TMEM181: variants seen among roughly 807,000 people sequenced by gnomAD.
TMEM181 encodes transmembrane protein 181.
In TMEM181, 39 loss-of-function variants were observed where a neutral mutation model predicts 71.9. The observed-to-expected ratio is 0.54, with a 90% CI of 0.42 to 0.71. TMEM181 has a LOEUF of 0.71. Among genes scored for constraint, TMEM181 ranks in the 30% least tolerant of loss-of-function variants. The pLI, the probability that TMEM181 is intolerant of heterozygous loss-of-function variation, is 0.00. For synonymous variants in TMEM181, 245 were observed against 228.8 expected, an observed-to-expected ratio of 1.07 and a Z score of -0.64; for missense variants, 595 against 583.0, an observed-to-expected ratio of 1.02 and a Z score of -0.21.
intron 1 of TMEM181, among the ~76,000 whole-genome samples, chr6:158,571,791 A>C (rs1054626546): frequency 3.5e-4 from 53 of 152,340 alleles, no homozygotes; most frequent in East Asian, 9.7e-4. Flanking sequence ...TGTGCAGTGC[A>C]GGTGCAGAGG....
At chr6:158,562,426 A>G (rs1782236152) in intron 1 of TMEM181, among the ~76,000 whole-genome samples, 2 of 148,798 alleles carry the variant, frequency 1.3e-5, no homozygotes, top group African/African-American at 2.5e-5. Context: ...ATTTCTCTGC[A>G]AATTTAAATA....
At chr6:158,570,441 C>A in intron 1 of TMEM181, among the ~76,000 whole-genome samples, 1 of 151,718 alleles carries the variant, frequency 6.6e-6, no homozygotes, top group Non-Finnish European at 1.5e-5. Context: ...CAGGGTTTCA[C>A]CGTGTCAGCC....
intron 10 of TMEM181, among the ~76,000 whole-genome samples, chr6:158,622,927 C>T (rs1243743245): frequency 6.6e-6 from 1 of 152,196 alleles, no homozygotes; most frequent in Admixed American, 6.5e-5. Flanking sequence ...CACGCTTGCT[C>T]TTTATGAGTG....
chr6:158,584,808 A>G (rs1241096273), intron 4 of TMEM181, among the ~76,000 whole-genome samples: 2 of 152,222 alleles, frequency 1.3e-5, no homozygotes, highest in African/African-American at 4.8e-5. Flanking sequence ...ATTTGTCTAG[A>G]AAATGGTCTG....
Position 158,632,502 on chromosome 6 carries a change from A to T in TMEM181, c.*614A>T, listed in dbSNP as rs546011254. The T allele has an allele frequency of 6.5e-6, 1 of 153,008 alleles. No individual in the cohort carries two copies. Among genetic ancestry groups the T allele is most frequent in the South Asian group, 2.1e-4 (1 of 4,854 alleles). The allele number at this position is 153,008 out of a possible 1,614,324, so 9.5% of individuals were successfully genotyped here. A position where few individuals can be genotyped will look rare whatever the true frequency, so the allele number is the denominator to read the frequency against. On this transcript the variant is annotated 3_prime_UTR_variant, in exon 17 of 17. Coordinates refer to ENST00000684151, the MANE Select transcript of TMEM181 (RefSeq NM_001376852.1). ...TGCTGGGGTTCCAACCCTTCACGTC[A>T]CCAAAGGGGAAGTAATAGTGTGGAG...
intron 2 of TMEM181, among the ~76,000 whole-genome samples, chr6:158,574,608 G>A (rs1263999780): frequency 6.6e-6 from 1 of 152,152 alleles, no homozygotes; most frequent in African/African-American, 2.4e-5. Flanking sequence ...AATGAGAAAT[G>A]TAAAGTGTGC....
chr6:158,599,438 C>T (rs558435450), intron 6 of TMEM181, among the ~76,000 whole-genome samples: 4 of 152,306 alleles, frequency 2.6e-5, no homozygotes, highest in Middle Eastern at 3.4e-3. Context: ...GCTTGAGTGC[C>T]GAATGACAGT....
At chr6:158,558,848 C>T (rs1324746959), upstream of TMEM181, among the ~76,000 whole-genome samples, 1 of 152,168 alleles carries the variant, frequency 6.6e-6, no homozygotes, top group African/African-American at 2.4e-5. Context: ...TGCTCTAGCT[C>T]ATAGAACTCC....
At chr6:158,552,904 T>C (rs1248300045) in intron 1 of TMEM181, among the ~76,000 whole-genome samples, 3 of 152,118 alleles carry the variant, frequency 2.0e-5, no homozygotes, top group Non-Finnish European at 4.4e-5. Flanking sequence ...AAATAGAAAC[T>C]GTCAGCCAGG....
chr6:158,577,538 C>T (rs1292472344), intron 2 of TMEM181, among the ~76,000 whole-genome samples: 7 of 152,128 alleles, frequency 4.6e-5, no homozygotes, highest in South Asian at 4.1e-4. Context: ...ATATTTCAAG[C>T]GGTGATGACT....
At chr6:158,547,843 C>T (rs935287617) in intron 1 of TMEM181, among the ~76,000 whole-genome samples, 7 of 145,176 alleles carry the variant, frequency 4.8e-5, no homozygotes, top group South Asian at 2.2e-4. Context: ...GTCGATATCA[C>T]GCCATTGCAC....
chr6:158,546,266 CT>C (rs1781524023), intron 1 of TMEM181, among the ~76,000 whole-genome samples: 1 of 152,214 alleles, frequency 6.6e-6, no homozygotes, highest in Admixed American at 6.5e-5. Context: ...TCCCCTCAGG[CT>C]GCAGTAGGAA....
At chr6:158,602,739 C>CT (rs1255085284) in intron 6 of TMEM181, among the ~76,000 whole-genome samples, 1 of 151,888 alleles carries the variant, frequency 6.6e-6, no homozygotes, top group African/African-American at 2.4e-5. Context: ...ACCATGCTGG[C>CT]TAATTTTTTT....
chr6:158,547,942 C>T (rs1043968813), intron 1 of TMEM181, among the ~76,000 whole-genome samples: 1 of 149,818 alleles, frequency 6.7e-6, no homozygotes, highest in African/African-American at 2.5e-5. Context: ...TGGTGAAAGC[C>T]ATGGAGAGAA....
intron 2 of TMEM181, among the ~76,000 whole-genome samples, chr6:158,576,304 G>C (rs1185703448): frequency 6.6e-6 from 1 of 152,182 alleles, no homozygotes; most frequent in African/African-American, 2.4e-5. Flanking sequence ...TGGGCAAAAA[G>C]GACCCTGTCC....
chr6:158,570,956 T>A (rs556604766), intron 1 of TMEM181, among the ~76,000 whole-genome samples: 1 of 151,484 alleles, frequency 6.6e-6, no homozygotes, highest in South Asian at 2.1e-4. Flanking sequence ...CTCTGTCACC[T>A]GGCTGGAGTG....
At chr6:158,605,137 T>TGTGA in intron 6 of TMEM181, 130 bp from the exon 7 acceptor site, 1 of 372,588 alleles carries the variant, frequency 2.7e-6, no homozygotes. Context: ...AAAAAGTGTG[T>TGTGA]GTGTGTGTGT....
chr6:158,563,845 G>T (rs751602112), intron 1 of TMEM181, among the ~76,000 whole-genome samples: 43 of 152,038 alleles, frequency 2.8e-4, no homozygotes, highest in Non-Finnish European at 5.1e-4. Context: ...GCAATGGTGC[G>T]ATCTCAGCTC....
In TMEM181 at chr6:158,578,696, C is replaced by T. The variant is rs572533883; in HGVS notation, c.113-2244C>T. On this transcript the variant is annotated intron_variant, in intron 2 of 16. Transcript: ENST00000684151. ...AAAAGGCTATGAGACATACAGAGAA[C>T]GAAGGCATATAGAAAGCAAAATGAC... is the stretch of plus-strand genomic sequence containing the variant. 2.4e-4 allele frequency among the ~76,000 whole-genome samples: 36 copies of T among 152,132 alleles called. 2 individuals carry two copies. The South Asian group carries it at 5.8e-3, about 25-fold the overall frequency.
Sources: allele counts gnomAD v4.1 joint callset (sites outside exome capture counted in the v4.1 genomes callset), GRCh38; gene constraint gnomAD v4.1.1; transcripts MANE v1.5; gene names NCBI Gene and HGNC (gene_info 2026-07-23, HGNC 2026-07-21).